STX8: variants seen among roughly 807,000 people sequenced by gnomAD.
STX8 encodes syntaxin-8.
In STX8, 23 loss-of-function variants were observed where a neutral mutation model predicts 37.5. The ratio of observed to expected loss-of-function variants is 0.61; its 90% CI spans 0.44 to 0.87. STX8 has a LOEUF of 0.87. STX8 is among the 40% of genes least tolerant of loss of function. The probability of loss-of-function intolerance (pLI) is 0.00; values close to 1 mark genes in which losing one functional copy is unlikely to be tolerated. For missense variants in STX8, 313 were observed against 284.7 expected, an observed-to-expected ratio of 1.10 and a Z score of -0.71; for synonymous variants, 115 against 99.1, an observed-to-expected ratio of 1.16 and a Z score of -0.95.
rs1032264956 is a variant in STX8, at chr17:9,250,637, T to C, written c.652A>G (p.Met218Val). The change falls in exon 8 of 8, where the codon ATG (methionine) becomes GTG (valine). Residue 218 changes from methionine to valine, a missense_variant. Met to Val is a conservative substitution (Grantham distance 21, BLOSUM62 1). Coordinates refer to ENST00000306357, the MANE Select transcript of STX8 (RefSeq NM_004853.3). ...GCCACAAGCAGCAGTAAAATCACCA[T>C]GATCATCCCTGGAAAAAAGCAGCAG... is the stretch of plus-strand genomic sequence containing the variant. ...DRKSASCGMIMVILLLLVAIV... is the reference protein window; with the variant it reads ...DRKSASCGMIVVILLLLVAIV... The C allele has an allele frequency of 5.6e-6, 9 of 1,597,002 alleles. No individual in the cohort carries two copies. In the South Asian group the frequency reaches 8.0e-5, roughly 14 times the overall value.
intron 6 of STX8, among the ~76,000 whole-genome samples, chr17:9,411,546 T>C (rs768148466): frequency 7.9e-5 from 12 of 152,248 alleles, no homozygotes; most frequent in Non-Finnish European, 1.8e-4. Context: ...ACTTGGTTTG[T>C]AAAATTCTCA....
intron 3 of STX8, 97 bp downstream of exon 3, chr17:9,557,337 G>T: frequency 1.0e-6 from 1 of 966,074 alleles, no homozygotes; most frequent in Non-Finnish European, 1.6e-6. Context: ...TCCTCAAGCT[G>T]TGGGAAAATC....
intron 2 of STX8, among the ~76,000 whole-genome samples, chr17:9,557,732 C>T (rs983862394): frequency 4.6e-5 from 7 of 152,118 alleles, no homozygotes; most frequent in East Asian, 3.9e-4. Flanking sequence ...AGCTTGTACC[C>T]GCTCCACAAC....
chr17:9,345,156 CTT>C (rs765904680), intron 7 of STX8, among the ~76,000 whole-genome samples: 2 of 145,130 alleles, frequency 1.4e-5, no homozygotes, highest in Non-Finnish European at 3.0e-5. Context: ...CATTTTCTTT[CTT>C]TTTTTTTTTT....
intron 6 of STX8, among the ~76,000 whole-genome samples, chr17:9,460,873 T>A (rs1444815182): frequency 3.3e-5 from 5 of 152,052 alleles, no homozygotes; most frequent in African/African-American, 1.2e-4. Flanking sequence ...AGCCTCACTT[T>A]CCCCAGCTGT....
intron 7 of STX8, among the ~76,000 whole-genome samples, chr17:9,252,685 G>C (rs1597564884): frequency 6.6e-6 from 1 of 151,702 alleles, no homozygotes; most frequent in East Asian, 1.9e-4. Flanking sequence ...CTGTGACTGT[G>C]GTTGCATTTT....
chr17:9,570,986 T>C (rs1349536528), intron 1 of STX8, among the ~76,000 whole-genome samples: 1 of 151,988 alleles, frequency 6.6e-6, no homozygotes, highest in Non-Finnish European at 1.5e-5. Context: ...CCCGGCACAT[T>C]TGGCTGCGTG....
At chr17:9,429,764 A>ATTTATATATAATATATATTTTATATAT (rs375400269) in intron 6 of STX8, among the ~76,000 whole-genome samples, 1 of 23,806 alleles carries the variant, frequency 4.2e-5, no homozygotes, top group African/African-American at 2.0e-4. Flanking sequence ...TATTTTATAT[A>ATTTATATATAATATATATTTTATATAT]TTATATATAA....
intron 6 of STX8, among the ~76,000 whole-genome samples, chr17:9,380,995 G>A (rs1042353843): frequency 5.9e-5 from 9 of 151,994 alleles, no homozygotes; most frequent in African/African-American, 2.2e-4. Context: ...AATTACAGGC[G>A]TCAGCCACTG....
chr17:9,397,075 C>A (rs1231913827), intron 6 of STX8, among the ~76,000 whole-genome samples: 3 of 152,234 alleles, frequency 2.0e-5, no homozygotes, highest in Non-Finnish European at 4.4e-5. Flanking sequence ...AATTCTGACA[C>A]CGCTATACAT....
chr17:9,562,125 C>A (rs1306376238), intron 2 of STX8, among the ~76,000 whole-genome samples: 2 of 151,590 alleles, frequency 1.3e-5, no homozygotes, highest in Non-Finnish European at 2.9e-5. Flanking sequence ...AACTTTCGGC[C>A]GGGCGCAGTG....
intron 7 of STX8, among the ~76,000 whole-genome samples, chr17:9,345,429 T>G (rs1910498271): frequency 6.6e-6 from 1 of 152,034 alleles, no homozygotes; most frequent in Admixed American, 6.6e-5. Flanking sequence ...GGATTACAGG[T>G]GTGAGCCACC....
intron 6 of STX8, among the ~76,000 whole-genome samples, chr17:9,399,382 A>C (rs368199968): frequency 1.8e-3 from 275 of 152,318 alleles, no homozygotes; most frequent in African/African-American, 6.3e-3. Flanking sequence ...GTGAAGCTCA[A>C]CAAGGTTAAG....
chr17:9,529,010 A>G (rs1905692580), intron 4 of STX8, among the ~76,000 whole-genome samples: 1 of 152,180 alleles, frequency 6.6e-6, no homozygotes, highest in Non-Finnish European at 1.5e-5. Flanking sequence ...TATAAAAATG[A>G]CAAACTGGCT....
At chr17:9,358,736 C>G (rs1264721244) in intron 7 of STX8, among the ~76,000 whole-genome samples, 2 of 152,034 alleles carry the variant, frequency 1.3e-5, no homozygotes, top group Non-Finnish European at 2.9e-5. Flanking sequence ...CTTTAAAAGG[C>G]ATATTCTTGA....
chr17:9,422,604 C>T (rs1056727481), intron 6 of STX8, among the ~76,000 whole-genome samples: 3 of 152,214 alleles, frequency 2.0e-5, no homozygotes, highest in Non-Finnish European at 2.9e-5. Context: ...AAGGTTCATC[C>T]GTGTTGTTCC....
intron 2 of STX8, among the ~76,000 whole-genome samples, chr17:9,567,605 T>C (rs897442213): frequency 2.0e-5 from 3 of 152,264 alleles, no homozygotes; most frequent in Non-Finnish European, 4.4e-5. Flanking sequence ...GTCACAAGTA[T>C]AAACTTGTGA....
chr17:9,570,086 C>G (rs1486988163), intron 1 of STX8: 2 of 152,178 alleles, frequency 1.3e-5, no homozygotes, highest in African/African-American at 4.8e-5. Flanking sequence ...CAGTCCATCA[C>G]AAAATATCAG....
At chr17:9,368,020 C>T (rs1054603535) in intron 7 of STX8, among the ~76,000 whole-genome samples, 4 of 152,112 alleles carry the variant, frequency 2.6e-5, no homozygotes, top group Non-Finnish European at 2.9e-5. Flanking sequence ...GTGTGAGCCA[C>T]CATGCCCAGC....
Sources: allele counts gnomAD v4.1 joint callset (sites outside exome capture counted in the v4.1 genomes callset), GRCh38; gene constraint gnomAD v4.1.1; transcripts MANE v1.5; gene names NCBI Gene and HGNC (gene_info 2026-07-23, HGNC 2026-07-21).